MDFIC2: variants seen among roughly 807,000 people sequenced by gnomAD.
The protein encoded by MDFIC2 is MyoD family inhibitor domain containing 2.
chr3:70,259,970 G>A (rs1701850514), intron 2 of MDFIC2, among the ~76,000 whole-genome samples: 1 of 152,094 alleles, frequency 6.6e-6, no homozygotes, highest in African/African-American at 2.4e-5. Flanking sequence ...CAGATCTCAT[G>A]AGAACCCACT....
chr3:70,255,272 A>C (rs1003984968), intron 2 of MDFIC2, among the ~76,000 whole-genome samples: 24 of 152,234 alleles, frequency 1.6e-4, no homozygotes, highest in African/African-American at 4.8e-4. Context: ...AATTTTTGTA[A>C]AACAAAACTT....
chr3:70,291,070 A>G (rs1702234369), intron 2 of MDFIC2: 1 of 152,298 alleles, frequency 6.6e-6, no homozygotes, highest in Non-Finnish European at 1.5e-5. Context: ...CTATTCGGCC[A>G]TCTTGGCTCC....
chr3:70,282,319 T>C (rs998518467), intron 2 of MDFIC2, among the ~76,000 whole-genome samples: 8 of 152,168 alleles, frequency 5.3e-5, no homozygotes, highest in African/African-American at 1.7e-4. Context: ...ATCCACCACA[T>C]GGAATCTGAT....
At chr3:70,229,668 G>T (rs908042519) in intron 2 of MDFIC2, among the ~76,000 whole-genome samples, 2 of 152,080 alleles carry the variant, frequency 1.3e-5, no homozygotes, top group Non-Finnish European at 2.9e-5. Context: ...AAATATGGTA[G>T]ACAACTCTGA....
At chr3:70,304,762 A>T (rs1356414827) in intron 2 of MDFIC2, among the ~76,000 whole-genome samples, 2 of 152,154 alleles carry the variant, frequency 1.3e-5, no homozygotes, top group Admixed American at 1.3e-4. Context: ...AAATGACTGC[A>T]TATGTTACCC....
At chr3:70,223,369 A>G (rs1163137171) in intron 2 of MDFIC2, among the ~76,000 whole-genome samples, 1 of 152,162 alleles carries the variant, frequency 6.6e-6, no homozygotes, top group African/African-American at 2.4e-5. Flanking sequence ...TTCCTTAAAA[A>G]TCAACTGAGA....
intron 2 of MDFIC2, among the ~76,000 whole-genome samples, chr3:70,243,568 A>T (rs1224996666): frequency 2.6e-5 from 4 of 152,092 alleles, no homozygotes; most frequent in Non-Finnish European, 4.4e-5. Flanking sequence ...CACTATCGTC[A>T]TTTTGGACTG....
At chr3:70,295,353 G>A (rs1261916194) in intron 2 of MDFIC2, among the ~76,000 whole-genome samples, 2 of 152,120 alleles carry the variant, frequency 1.3e-5, no homozygotes, top group Non-Finnish European at 2.9e-5. Context: ...TCAAATATAG[G>A]TATGTGTGAT....
intron 2 of MDFIC2, among the ~76,000 whole-genome samples, chr3:70,232,276 T>C (rs1288621569): frequency 2.0e-5 from 3 of 152,218 alleles, no homozygotes; most frequent in African/African-American, 7.2e-5. Flanking sequence ...ACTACTGTTA[T>C]TATAAGGTAG....
intron 2 of MDFIC2, among the ~76,000 whole-genome samples, chr3:70,275,576 C>T (rs1430715490): frequency 6.6e-6 from 1 of 152,144 alleles, no homozygotes; most frequent in Non-Finnish European, 1.5e-5. Flanking sequence ...CTTGGGACTG[C>T]ACTGCCTAGG....
intron 2 of MDFIC2, among the ~76,000 whole-genome samples, chr3:70,250,219 C>T (rs1701747925): frequency 6.6e-6 from 1 of 152,112 alleles, no homozygotes; most frequent in Non-Finnish European, 1.5e-5. Flanking sequence ...AGTTGGGCCT[C>T]TTAATTCTTC....
intron 2 of MDFIC2, among the ~76,000 whole-genome samples, chr3:70,294,177 T>C (rs1196821498): frequency 6.6e-6 from 1 of 152,172 alleles, no homozygotes; most frequent in African/African-American, 2.4e-5. Context: ...AACTAGTGTA[T>C]AGAAATTTAC....
chr3:70,243,897 A>T (rs1701682296), intron 2 of MDFIC2, among the ~76,000 whole-genome samples: 1 of 152,116 alleles, frequency 6.6e-6, no homozygotes, highest in Admixed American at 6.5e-5. Flanking sequence ...ATACTGTAAT[A>T]ATTGTCTATA....
At chr3:70,306,099 GTTTATTTA>G (rs771838641) in intron 2 of MDFIC2, among the ~76,000 whole-genome samples, 1 of 152,104 alleles carries the variant, frequency 6.6e-6, no homozygotes, top group Non-Finnish European at 1.5e-5. Flanking sequence ...AAATAATGGA[GTTTATTTA>G]TTTATTTATT....
rs1333767455 is a variant in MDFIC2, at chr3:70,297,046, G to C, written c.88+14840C>G. ...TACTATGGCTTAACCAAGGTGTGCT[G>C]ATTGATGAATTAAGGAATATATTAT... is the stretch of plus-strand genomic sequence containing the variant. On this transcript the variant is annotated intron_variant, in intron 2 of 3. Coordinates refer to ENST00000567252, the MANE Select transcript of MDFIC2 (RefSeq NM_001364677.1). Among the ~76,000 whole-genome samples the C allele has an allele frequency of 6.6e-5, 10 of 152,072 alleles. No homozygotes were observed. The East Asian group carries it at 1.9e-3, about 29-fold the overall frequency.
At chr3:70,241,454 T>G (rs182938039) in intron 2 of MDFIC2, among the ~76,000 whole-genome samples, 2 of 152,178 alleles carry the variant, frequency 1.3e-5, no homozygotes, top group Admixed American at 1.3e-4. Context: ...GTAAATATGA[T>G]GAAAAGAATT....
intron 2 of MDFIC2, among the ~76,000 whole-genome samples, chr3:70,266,930 G>A (rs1701921360): frequency 6.6e-6 from 1 of 152,220 alleles, no homozygotes; most frequent in Admixed American, 6.5e-5. Flanking sequence ...AATGGGATTA[G>A]ATTATTGGAA....
chr3:70,243,212 G>A (rs754103128), intron 2 of MDFIC2, among the ~76,000 whole-genome samples: 38 of 152,132 alleles, frequency 2.5e-4, no homozygotes, highest in Admixed American at 9.8e-4. Flanking sequence ...TGAGGATTGG[G>A]GGCTGTGACA....
chr3:70,229,058 G>A (rs1701535293), intron 2 of MDFIC2, among the ~76,000 whole-genome samples: 1 of 152,194 alleles, frequency 6.6e-6, no homozygotes, highest in Admixed American at 6.5e-5. Context: ...AGCTAAAGAG[G>A]TCTTCCCAGA....
Sources: gnomAD v4.1 joint callset for allele counts (sites outside exome capture counted in the v4.1 genomes callset) on GRCh38, gnomAD v4.1.1 for gene constraint, MANE v1.5 for transcripts, NCBI Gene and HGNC (gene_info 2026-07-23, HGNC 2026-07-21) for gene names.